The following LIPH variants were observed in gnomAD, a reference collection of about 807,000 sequenced individuals.
The protein encoded by LIPH is lipase H.
LIPH carries 32 observed loss-of-function variants against 47.6 expected under a neutral mutation model. That is an observed-to-expected ratio of 0.67 (90% CI 0.51 to 0.90). LIPH has a LOEUF of 0.90. LIPH is among the 40% of genes least tolerant of loss of function. LIPH has a pLI of 0.00. For missense variants in LIPH, 497 were observed against 541.4 expected (o/e 0.92, Z 0.81); for synonymous variants, 190 against 195.6 (o/e 0.97, Z 0.24).
intron 1 of LIPH, among the ~76,000 whole-genome samples, chr3:185,543,323 T>G (rs959630602): frequency 6.6e-6 from 1 of 152,184 alleles, no homozygotes; most frequent in African/African-American, 2.4e-5. Flanking sequence ...AAAATACATG[T>G]GTTAGGTAAG....
chr3:185,519,246 T>A lies in LIPH; in HGVS notation c.782A>T (p.Glu261Val). The change falls in exon 6 of 10, where the codon GAG becomes GTG. Residue 261 changes from glutamate (E) to valine (V), a missense_variant. Coordinates refer to ENST00000296252, the MANE Select transcript of LIPH (RefSeq NM_139248.3). ...SVYLYLSSLR[E>V]SCTITAYPCD... ...GGGATACGCAGTGATGGTGCAGCTC[T>A]CTCTCAGGGAAGACAGGTACAGGTA... The A allele has an allele frequency of 6.2e-7, 1 of 1,612,646 alleles. No homozygotes were observed. Among genetic ancestry groups the A allele is most frequent in the Non-Finnish European group, 8.5e-7 (1 of 1,178,670 alleles).
At chr3:185,548,745 AAAAACAAAACAAAACAAAAC>A (rs199898458) in intron 1 of LIPH, among the ~76,000 whole-genome samples, 16 of 151,384 alleles carry the variant, frequency 1.1e-4, no homozygotes, top group East Asian at 1.9e-4. Context: ...AAAACAAAAC[AAAAACAAAACAAAACAAAAC>A]AAAACAAAAC....
chr3:185,538,660 T>C (rs909868488), intron 1 of LIPH, among the ~76,000 whole-genome samples: 1 of 2,426 alleles, frequency 4.1e-4, no homozygotes, highest in Non-Finnish European at 6.0e-3. Context: ...TTATGTCCTT[T>C]TTAATTTTAA....
intron 5 of LIPH, among the ~76,000 whole-genome samples, chr3:185,520,988 G>A (rs1719883259): frequency 6.6e-6 from 1 of 151,182 alleles, no homozygotes; most frequent in Non-Finnish European, 1.5e-5. Context: ...TCCTGCCTCA[G>A]CCTCCCGAGT....
At chr3:185,533,097 T>C (rs1232131655) in intron 3 of LIPH, among the ~76,000 whole-genome samples, 1 of 152,214 alleles carries the variant, frequency 6.6e-6, no homozygotes, top group Admixed American at 6.6e-5. Context: ...CTACTGCATT[T>C]CTGAAGGTTT....
chr3:185,532,840 T>G (rs1161926114), intron 3 of LIPH, among the ~76,000 whole-genome samples: 1 of 151,950 alleles, frequency 6.6e-6, no homozygotes, highest in Admixed American at 6.6e-5. Context: ...AAAATAAAAT[T>G]AAAAACTTGT....
chr3:185,510,503 T>G (rs1021972626), intron 9 of LIPH, among the ~76,000 whole-genome samples: 1 of 152,182 alleles, frequency 6.6e-6, no homozygotes, highest in African/African-American at 2.4e-5. Context: ...AATAGATTGT[T>G]TACTCCTTAA....
intron 8 of LIPH, 96 bp downstream of exon 8, chr3:185,514,314 A>G (rs1719658809): frequency 1.3e-6 from 1 of 745,946 alleles, no homozygotes. Flanking sequence ...AAGGAAAAGC[A>G]TAGATCTATA....
intron 3 of LIPH, among the ~76,000 whole-genome samples, chr3:185,532,435 G>C (rs963036014): frequency 2.0e-5 from 3 of 148,084 alleles, no homozygotes; most frequent in African/African-American, 5.2e-5. Context: ...GCTTGTGCCT[G>C]GGGGGGCGTT....
chr3:185,525,426 GT>G (rs1323867183), intron 4 of LIPH, among the ~76,000 whole-genome samples: 1 of 151,986 alleles, frequency 6.6e-6, no homozygotes, highest in Non-Finnish European at 1.5e-5. Flanking sequence ...TCTGGGCATG[GT>G]ACTAGGTGTT....
At chr3:185,549,065 A>T (rs1236690878) in intron 1 of LIPH, among the ~76,000 whole-genome samples, 1 of 151,248 alleles carries the variant, frequency 6.6e-6, no homozygotes, top group African/African-American at 2.4e-5. Context: ...CGGGAGGCAG[A>T]GGTTGCAGTG....
At chr3:185,526,829 GA>G (rs1720119913) in intron 4 of LIPH, among the ~76,000 whole-genome samples, 2 of 151,832 alleles carry the variant, frequency 1.3e-5, no homozygotes, top group Non-Finnish European at 1.5e-5. Context: ...TGCAGCTCAA[GA>G]AAATAAAAAG....
rs1261459813 is a variant in LIPH, at chr3:185,524,162, TA to T, written c.629-3del. On this transcript the variant is annotated splice_polypyrimidine_tract_variant and splice_region_variant and intron_variant, in intron 4 of 9. Coordinates refer to ENST00000296252, the MANE Select transcript of LIPH (RefSeq NM_139248.3). ...CTAATGGCTCCTTGTAGCCCAGTGC[TA>T]AAAGAGAACACATTCTGCTTTTATA... 6.3e-7 allele frequency: 1 copy of T among 1,588,748 alleles called. No individual in the cohort carries two copies. The highest frequency in any genetic ancestry group is 1.7e-5 in the Admixed American group (1 of 59,976).
At chr3:185,541,647 C>G (rs1720715118) in intron 1 of LIPH, among the ~76,000 whole-genome samples, 1 of 151,956 alleles carries the variant, frequency 6.6e-6, no homozygotes, top group South Asian at 2.1e-4. Flanking sequence ...CTCAAATGAT[C>G]CTCCTGCCTC....
Position 185,547,487 on chromosome 3 carries a change from C to A in LIPH, c.49+4936G>T, listed in dbSNP as rs1720912510. ...ATAACTTCTTTAGAACAGAGGTCCA[C>A]AGTCAGGTTTACTGACTTGATGCTG... On this transcript the variant is annotated intron_variant, in intron 1 of 9. Coordinates refer to ENST00000296252, the MANE Select transcript of LIPH (RefSeq NM_139248.3). 2.0e-5 allele frequency among the ~76,000 whole-genome samples: 3 copies of A among 152,116 alleles called. No individual in the cohort carries two copies. In the South Asian group the frequency reaches 6.2e-4, roughly 31 times the overall value.
At chr3:185,528,735 G>A (rs907933729) in intron 3 of LIPH, among the ~76,000 whole-genome samples, 1 of 152,114 alleles carries the variant, frequency 6.6e-6, no homozygotes, top group Non-Finnish European at 1.5e-5. Flanking sequence ...GAATTAACCC[G>A]CTCTATAAAT....
At chr3:185,533,803 TA>T in intron 2 of LIPH, 124 bp from the exon 3 acceptor site, 1 of 672,994 alleles carries the variant, frequency 1.5e-6, no homozygotes. Context: ...TTATCTCATT[TA>T]AAAGTCACAA....
intron 1 of LIPH, among the ~76,000 whole-genome samples, chr3:185,542,597 G>A (rs7652197): frequency 2.3e-3 from 357 of 152,192 alleles, no homozygotes; most frequent in African/African-American, 8.2e-3. Context: ...GATTACAGGC[G>A]TAAGCCACCA....
intron 3 of LIPH, among the ~76,000 whole-genome samples, chr3:185,529,469 G>A (rs1403283354): frequency 6.8e-6 from 1 of 147,968 alleles, no homozygotes; most frequent in Non-Finnish European, 1.5e-5. Context: ...GGTTGTAGGG[G>A]CACTTGCTAT....
Sources: gnomAD v4.1 joint callset for allele counts (sites outside exome capture counted in the v4.1 genomes callset) on GRCh38, gnomAD v4.1.1 for gene constraint, MANE v1.5 for transcripts, NCBI Gene and HGNC (gene_info 2026-07-23, HGNC 2026-07-21) for gene names.